Variants in ASPH observed in about 807,000 individuals in gnomAD.
ASPH encodes the protein aspartate beta-hydroxylase.
A neutral mutation model predicts 118.4 loss-of-function variants in ASPH; 100 were observed. The ratio of observed to expected loss-of-function variants is 0.84; its 90% confidence interval spans 0.72 to 1.00. The LOEUF is 1.00. Ranked by LOEUF, ASPH falls within the 50% of genes least tolerant of loss-of-function variation. The probability of loss-of-function intolerance (pLI) is 0.00; values close to 1 mark genes in which losing one functional copy is unlikely to be tolerated. For missense variants in ASPH, 920 were observed against 919.5 expected, an observed-to-expected ratio of 1.00 and a Z score of -0.01; for synonymous variants, 315 against 325.6, an observed-to-expected ratio of 0.97 and a Z score of 0.35.
At chr8:61,505,033 T>C (rs976751579) in intron 24 of ASPH, among the ~76,000 whole-genome samples, 2 of 151,688 alleles carry the variant, frequency 1.3e-5, no homozygotes, top group African/African-American at 4.8e-5. Flanking sequence ...TGTACTCCCA[T>C]AATTCCCACA....
intron 3 of ASPH, chr8:61,662,836 A>C (rs1817608693): frequency 1.0e-6 from 1 of 982,956 alleles, no homozygotes; most frequent in Non-Finnish European, 1.2e-6. Flanking sequence ...AAAGTACTTT[A>C]CTAAATAGCA....
chr8:61,551,964 C>T (rs1268083952), intron 20 of ASPH, among the ~76,000 whole-genome samples: 1 of 152,184 alleles, frequency 6.6e-6, no homozygotes, highest in Non-Finnish European at 1.5e-5. Flanking sequence ...CAAAAATTGT[C>T]AATTATCTGA....
At chr8:61,643,113 A>G (rs1035284156) in intron 9 of ASPH, among the ~76,000 whole-genome samples, 193 bp from the exon 10 acceptor site, 4 of 152,214 alleles carry the variant, frequency 2.6e-5, no homozygotes, top group Non-Finnish European at 4.4e-5. Context: ...TTTCATTAAA[A>G]TTTCTCAAAT....
intron 24 of ASPH, among the ~76,000 whole-genome samples, chr8:61,514,684 G>A (rs551173606): frequency 3.3e-5 from 5 of 152,028 alleles, no homozygotes; most frequent in Non-Finnish European, 7.4e-5. Flanking sequence ...ACTCCAGCCT[G>A]GGCGACAGAG....
intron 24 of ASPH, among the ~76,000 whole-genome samples, chr8:61,510,931 T>TA (rs1390429388): frequency 1.3e-5 from 2 of 151,990 alleles, no homozygotes; most frequent in South Asian, 2.1e-4. Flanking sequence ...GGGAGAATAG[T>TA]AAAAAAAGGA....
rs201526884 is a variant in ASPH at position 61,517,498 on chromosome 8, C to T, written c.2126+30G>A. On this transcript the variant is annotated intron_variant, in intron 24 of 24. Transcript: ENST00000379454. ...AACAAACTCTCATCCTCTGAGGTGA[C>T]GGATATGACGGATAACAGAGGACCC... 1,577 of 1,607,048 alleles carry T rather than the reference C, an allele frequency of 9.8e-4. 6 individuals are homozygous for T. Among genetic ancestry groups the T allele is most frequent in the Middle Eastern group, 1.2e-3 (7 of 6,024 alleles).
intron 16 of ASPH, 146 bp downstream of exon 16, chr8:61,576,626 T>C: frequency 1.6e-6 from 1 of 610,906 alleles, no homozygotes; most frequent in Non-Finnish European, 2.7e-6. Flanking sequence ...GCAATAGTGA[T>C]AATTGTATTT....
intron 24 of ASPH, among the ~76,000 whole-genome samples, chr8:61,504,908 G>C (rs1404560924): frequency 6.6e-6 from 1 of 152,158 alleles, no homozygotes; most frequent in South Asian, 2.1e-4. Flanking sequence ...GTTCACTGAA[G>C]TTGGGAACTG....
At chr8:61,653,366 T>C (rs1261349506) in intron 4 of ASPH, among the ~76,000 whole-genome samples, 1 of 152,252 alleles carries the variant, frequency 6.6e-6, no homozygotes, top group Non-Finnish European at 1.5e-5. Flanking sequence ...CTGTCTGCCT[T>C]AGAGCTGATC....
intron 18 of ASPH, among the ~76,000 whole-genome samples, chr8:61,561,117 AG>A: frequency 1.8e-5 from 1 of 54,138 alleles, no homozygotes; most frequent in African/African-American, 6.3e-5. Flanking sequence ...GGAGGGAGGG[AG>A]GGAGGGAGGG....
At chr8:61,622,653 C>T (rs767719235) in intron 13 of ASPH, among the ~76,000 whole-genome samples, 2 of 152,212 alleles carry the variant, frequency 1.3e-5, no homozygotes, top group Non-Finnish European at 2.9e-5. Flanking sequence ...AGTTGCCTAA[C>T]CATCTTCCTG....
intron 21 of ASPH, among the ~76,000 whole-genome samples, chr8:61,527,911 T>C (rs1368012170): frequency 1.3e-5 from 2 of 152,202 alleles, no homozygotes; most frequent in African/African-American, 2.4e-5. Flanking sequence ...AACTGTTCTT[T>C]GACTTGGTTG....
In ASPH at chr8:61,623,978, TCA is replaced by T. The variant is rs753642831; in HGVS notation, c.935-4961_935-4960del. On this transcript the variant is annotated intron_variant, in intron 13 of 24. Coordinates refer to ENST00000379454, the MANE Select transcript of ASPH (RefSeq NM_004318.4). ...GTGCTAAAAATTAAAACAATTGAAC[TCA>T]CAGAGGTAGAGGGTAGAAGGATGGT... 8 of 153,948 alleles carry T rather than the reference TCA, an allele frequency of 5.2e-5. No individual in the cohort carries two copies. The South Asian group carries it at 6.2e-4, about 12-fold the overall frequency. 9.5% of individuals were successfully genotyped at this position (153,948 alleles called of 1,614,324 possible).
At chr8:61,654,908 G>C (rs10090651) in intron 3 of ASPH, among the ~76,000 whole-genome samples, 8 of 151,974 alleles carry the variant, frequency 5.3e-5, no homozygotes, top group Non-Finnish European at 1.2e-4. Flanking sequence ...CAGGGAGGAG[G>C]GGGTAGAGAT....
At chr8:61,571,236 T>TGAA (rs1427204048) in intron 16 of ASPH, among the ~76,000 whole-genome samples, 8 of 152,178 alleles carry the variant, frequency 5.3e-5, no homozygotes. Context: ...AATAACACAT[T>TGAA]GAAGCATAAT....
At chr8:61,626,684 T>C (rs1339362996) in intron 13 of ASPH, among the ~76,000 whole-genome samples, 2 of 151,264 alleles carry the variant, frequency 1.3e-5, no homozygotes. Context: ...TTAAAATATA[T>C]TGCTTTAAAA....
intron 12 of ASPH, among the ~76,000 whole-genome samples, chr8:61,636,066 C>T (rs540813332): frequency 6.6e-6 from 1 of 152,140 alleles, no homozygotes; most frequent in Non-Finnish European, 1.5e-5. Context: ...GTTTGAGTTT[C>T]GTTTTCTATT....
intron 14 of ASPH, among the ~76,000 whole-genome samples, chr8:61,594,870 T>C (rs1842109669): frequency 6.6e-6 from 1 of 152,216 alleles, no homozygotes; most frequent in Admixed American, 6.5e-5. Context: ...TTGTATATAT[T>C]ATATGAATGA....
chr8:61,663,726 A>C, intron 3 of ASPH: 1 of 972,816 alleles, frequency 1.0e-6, no homozygotes, highest in Non-Finnish European at 1.2e-6. Context: ...ATTTTTAAGC[A>C]ATAAAATAAC....
Sources: gnomAD v4.1 joint callset for allele counts (sites outside exome capture counted in the v4.1 genomes callset) on GRCh38, gnomAD v4.1.1 for gene constraint, MANE v1.5 for transcripts, NCBI Gene and HGNC (gene_info 2026-07-23, HGNC 2026-07-21) for gene names.